The following CFAP95 variants were observed in gnomAD, a reference collection of about 807,000 sequenced individuals.
The protein encoded by CFAP95 is cilia- and flagella-associated protein 95.
At chr9:69,856,496 G>A in the CFAP95 span, 1 of 954,666 alleles carries the variant, frequency 1.0e-6, no homozygotes, top group Non-Finnish European at 1.6e-6. Context: ...ACATGTTTTA[G>A]TAACTGACCA....
the CFAP95 span, among the ~76,000 whole-genome samples, chr9:69,861,140 A>AGCTG: frequency 6.6e-6 from 1 of 152,222 alleles, no homozygotes. Context: ...TCTTGTTGAC[A>AGCTG]CTAGCATCAC....
At chr9:69,869,469 T>A in the CFAP95 span, among the ~76,000 whole-genome samples, 3 of 152,074 alleles carry the variant, frequency 2.0e-5, no homozygotes, top group African/African-American at 7.2e-5. Flanking sequence ...AATAGAGAGA[T>A]GCTGGTCAAA....
the CFAP95 span, among the ~76,000 whole-genome samples, chr9:69,875,253 A>G: frequency 2.1e-3 from 318 of 152,182 alleles, 2 homozygotes; most frequent in African/African-American, 7.2e-3. Flanking sequence ...AGGCAATCAC[A>G]AAGAGTTGGT....
chr9:69,883,854 T>C, the CFAP95 span, among the ~76,000 whole-genome samples: 1 of 152,102 alleles, frequency 6.6e-6, no homozygotes, highest in African/African-American at 2.4e-5. Flanking sequence ...AATCATTCTT[T>C]TGTATTGTTT....
the CFAP95 span, among the ~76,000 whole-genome samples, chr9:69,826,542 C>T: frequency 6.6e-6 from 1 of 152,184 alleles, no homozygotes; most frequent in Non-Finnish European, 1.5e-5. Context: ...TGCAGCCTGT[C>T]TTTTTGCTGA....
At chr9:69,872,535 T>G in the CFAP95 span, among the ~76,000 whole-genome samples, 1 of 152,196 alleles carries the variant, frequency 6.6e-6, no homozygotes, top group Non-Finnish European at 1.5e-5. Context: ...CACAGTTCCG[T>G]GTTCTTGTGG....
the CFAP95 span, among the ~76,000 whole-genome samples, chr9:69,879,918 G>A: frequency 6.6e-6 from 1 of 151,834 alleles, no homozygotes. Context: ...TGATAAAGGG[G>A]CATCTATTTT....
At chr9:69,856,738 C>A in the CFAP95 span, 2 of 1,140,984 alleles carry the variant, frequency 1.8e-6, no homozygotes, top group South Asian at 1.4e-5. Flanking sequence ...GTATAAGTAG[C>A]AAAAAGGTAT....
At chr9:69,834,808 T>C in the CFAP95 span, among the ~76,000 whole-genome samples, 2 of 152,234 alleles carry the variant, frequency 1.3e-5, no homozygotes, top group Non-Finnish European at 2.9e-5. Flanking sequence ...ACAGATCACA[T>C]ACAGCATGAG....
At chr9:69,904,014 G>A in the CFAP95 span, among the ~76,000 whole-genome samples, 1 of 152,156 alleles carries the variant, frequency 6.6e-6, no homozygotes, top group African/African-American at 2.4e-5. Context: ...GTGAGCCTCT[G>A]TGCCCGGCCC....
At chr9:69,886,775 TA>T in the CFAP95 span, 13 of 1,252,348 alleles carry the variant, frequency 1.0e-5, no homozygotes, top group Middle Eastern at 1.9e-4. Flanking sequence ...TGTATACCAA[TA>T]AAAATGTAAA....
chr9:69,855,491 C>T, the CFAP95 span, among the ~76,000 whole-genome samples: 6,130 of 152,138 alleles, frequency 0.04, 180 homozygotes, highest in Non-Finnish European at 0.057. Context: ...TGTAGTGTCC[C>T]CTACCATCGA....
chr9:69,832,872 G>A, the CFAP95 span, among the ~76,000 whole-genome samples: 10 of 151,784 alleles, frequency 6.6e-5, no homozygotes, highest in African/African-American at 1.4e-4. Context: ...TACTGGGGGC[G>A]TTGGGAAATA....
the CFAP95 span, among the ~76,000 whole-genome samples, chr9:69,871,328 G>GAGA: frequency 1.3e-5 from 2 of 152,206 alleles, no homozygotes; most frequent in Admixed American, 1.3e-4. Context: ...TAAAGTTGGA[G>GAGA]AGAAATATTG....
the CFAP95 span, among the ~76,000 whole-genome samples, chr9:69,853,110 G>T: frequency 6.6e-6 from 1 of 152,182 alleles, no homozygotes; most frequent in Non-Finnish European, 1.5e-5. Flanking sequence ...TGCCTGTAAA[G>T]AACCCAGGAA....
the CFAP95 span, among the ~76,000 whole-genome samples, chr9:69,878,252 C>T: frequency 2.0e-5 from 3 of 152,190 alleles, no homozygotes; most frequent in Non-Finnish European, 2.9e-5. Context: ...TTCCCAGAAG[C>T]AGTGTCTTCC....
chr9:69,903,877 T>C, the CFAP95 span, among the ~76,000 whole-genome samples: 7 of 152,118 alleles, frequency 4.6e-5, no homozygotes, highest in East Asian at 1.4e-3. Context: ...CAAGAACGTG[T>C]CATCATGCCC....
At chr9:69,857,827 C>T in the CFAP95 span, 43,243 of 1,234,272 alleles carry the variant, frequency 0.035, 938 homozygotes, top group Middle Eastern at 0.046. Flanking sequence ...TGCGCCCAGC[C>T]CCTAAATTAG....
chr9:69,864,401 G>C, the CFAP95 span, among the ~76,000 whole-genome samples: 2 of 151,922 alleles, frequency 1.3e-5, no homozygotes, highest in Non-Finnish European at 2.9e-5. Flanking sequence ...AGGAAACCTG[G>C]GTTCTACTTC....
Sources: gnomAD v4.1 joint callset for allele counts (sites outside exome capture counted in the v4.1 genomes callset) on GRCh38, gnomAD v4.1.1 for gene constraint, MANE v1.5 for transcripts, NCBI Gene and HGNC (gene_info 2026-07-23, HGNC 2026-07-21) for gene names.